Variants in MRPL48 observed in about 807,000 individuals in gnomAD.
The protein encoded by MRPL48 is mitochondrial ribosomal protein L48, also known as large ribosomal subunit protein mL48.
A neutral mutation model predicts 32.9 loss-of-function variants in MRPL48; 16 were observed. That is an observed-to-expected ratio of 0.49 (90% confidence interval 0.33 to 0.74). MRPL48 has a LOEUF of 0.74. MRPL48 is among the 30% of genes least tolerant of loss of function. MRPL48 has a pLI of 0.02. For missense variants in MRPL48, 206 were observed against 245.3 expected (o/e 0.84, Z 1.07); for synonymous variants, 94 against 89.2 (o/e 1.05, Z -0.31).
At chr11:73,807,370 T>G (rs1474145986) in intron 2 of MRPL48, among the ~76,000 whole-genome samples, 1 of 145,172 alleles carries the variant, frequency 6.9e-6, no homozygotes, top group Non-Finnish European at 1.5e-5. Context: ...CTTTCTCCCT[T>G]TATTTCCCTT....
intron 3 of MRPL48, among the ~76,000 whole-genome samples, chr11:73,822,524 G>A (rs1421723409): frequency 6.6e-6 from 1 of 152,124 alleles, no homozygotes; most frequent in Non-Finnish European, 1.5e-5. Flanking sequence ...AATGCATATC[G>A]TGGAAGGGAT....
Position 73,797,228 on chromosome 11 carries a change from C to T in MRPL48, c.22-7799C>T, listed in dbSNP as rs185569725. On this transcript the variant is annotated intron_variant, in intron 1 of 7. Coordinates refer to ENST00000310614, the MANE Select transcript of MRPL48 (RefSeq NM_016055.6). ...GAGCTGCCCACTCCAAGGTCCTCCT[C>T]TGAGCTATTCTGCCACTCAATAAAG... Among the ~76,000 whole-genome samples, 309 of 152,318 alleles carry T rather than the reference C, an allele frequency of 2.0e-3. 7 individuals are homozygous for T. Among genetic ancestry groups the T allele is most frequent in the Non-Finnish European group, 3.1e-4 (21 of 68,030 alleles).
intron 1 of MRPL48, among the ~76,000 whole-genome samples, chr11:73,797,409 A>G (rs935333219): frequency 2.0e-5 from 3 of 152,196 alleles, no homozygotes; most frequent in African/African-American, 7.2e-5. Context: ...GTGGGTGAAG[A>G]GAAGGAAAGA....
chr11:73,821,491 C>G (rs1387606253), intron 3 of MRPL48, among the ~76,000 whole-genome samples: 1 of 152,156 alleles, frequency 6.6e-6, no homozygotes, highest in Non-Finnish European at 1.5e-5. Context: ...TCTTGCCACC[C>G]TGATCCTCTT....
At chr11:73,837,134 T>A (rs995985982) in intron 4 of MRPL48, among the ~76,000 whole-genome samples, 3 of 152,228 alleles carry the variant, frequency 2.0e-5, no homozygotes, top group South Asian at 2.1e-4. Flanking sequence ...AAGCTGAATA[T>A]GCTGCAGGCA....
chr11:73,859,827 C>T (rs1395781214), intron 5 of MRPL48, 80 bp from the exon 6 acceptor site: 6 of 1,183,246 alleles, frequency 5.1e-6, no homozygotes, highest in African/African-American at 1.5e-5. Flanking sequence ...GCCATAGTGG[C>T]TATACTCATG....
At chr11:73,824,387 C>G (rs1353257302) in intron 3 of MRPL48, among the ~76,000 whole-genome samples, 2 of 151,966 alleles carry the variant, frequency 1.3e-5, no homozygotes, top group Middle Eastern at 3.4e-3. Flanking sequence ...CAGTTCGATA[C>G]CAGCCTGACC....
At chr11:73,834,120 A>G (rs1329484992) in intron 4 of MRPL48, among the ~76,000 whole-genome samples, 1 of 152,118 alleles carries the variant, frequency 6.6e-6, no homozygotes, top group Non-Finnish European at 1.5e-5. Context: ...AAGTGTTGGG[A>G]TTACAGGTGT....
intron 1 of MRPL48, among the ~76,000 whole-genome samples, chr11:73,789,039 C>T (rs910538944): frequency 1.3e-5 from 2 of 152,180 alleles, no homozygotes; most frequent in African/African-American, 4.8e-5. Flanking sequence ...ATGGGTCTAC[C>T]TGTGGTTACC....
At chr11:73,817,038 G>C (rs1364685325) in intron 3 of MRPL48, among the ~76,000 whole-genome samples, 1 of 151,592 alleles carries the variant, frequency 6.6e-6, no homozygotes, top group Non-Finnish European at 1.5e-5. Flanking sequence ...CACCATGTTG[G>C]CCAGGCTGGT....
chr11:73,799,208 C>T (rs1377562877), intron 1 of MRPL48, among the ~76,000 whole-genome samples: 2 of 151,780 alleles, frequency 1.3e-5, no homozygotes, highest in South Asian at 2.1e-4. Context: ...AAAAATTAGC[C>T]GAGTGTAGTG....
intron 4 of MRPL48, among the ~76,000 whole-genome samples, chr11:73,835,140 CTTTTTTTTT>C (rs35448499): frequency 5.5e-5 from 6 of 108,476 alleles, no homozygotes; most frequent in Admixed American, 1.0e-4. Flanking sequence ...GCCATGTTGT[CTTTTTTTTT>C]TTTTTTTTTT....
chr11:73,840,452 C>T (rs1334318864), intron 4 of MRPL48, among the ~76,000 whole-genome samples: 2 of 152,072 alleles, frequency 1.3e-5, no homozygotes, highest in Admixed American at 6.6e-5. Context: ...TGTGATTGTG[C>T]CACTGAACTC....
intron 3 of MRPL48, 76 bp downstream of exon 3, chr11:73,808,426 G>T: frequency 7.0e-7 from 1 of 1,434,038 alleles, no homozygotes; most frequent in East Asian, 2.4e-5. Context: ...TTGCCTAGAA[G>T]GAAGCCTACC....
chr11:73,850,678 A>AT (rs34562115), intron 5 of MRPL48: 71,176 of 185,202 alleles, frequency 0.38, 13,273 homozygotes, highest in African/African-American at 0.62. Context: ...GGGCTATACA[A>AT]TTTTTTTTTT....
At chr11:73,863,075 C>A (rs374934443) in intron 6 of MRPL48, 97 bp from the exon 7 acceptor site, 2 of 1,069,558 alleles carry the variant, frequency 1.9e-6, no homozygotes, top group African/African-American at 1.6e-5. Flanking sequence ...GCTCTCCAGA[C>A]TCTACTGGAG....
At chr11:73,852,799 G>A (rs1407489735) in intron 5 of MRPL48, among the ~76,000 whole-genome samples, 6 of 152,138 alleles carry the variant, frequency 3.9e-5, no homozygotes, top group Admixed American at 6.6e-5. Flanking sequence ...CTGCACTCCC[G>A]TATTTATTGC....
At chr11:73,860,796 A>G (rs12420099) in intron 6 of MRPL48, among the ~76,000 whole-genome samples, 13,077 of 152,258 alleles carry the variant, frequency 0.086, 674 homozygotes, top group South Asian at 0.26. Context: ...GAGTTATGCA[A>G]CCATCCCCAC....
chr11:73,796,199 G>A (rs972200284), intron 1 of MRPL48, among the ~76,000 whole-genome samples: 3 of 152,198 alleles, frequency 2.0e-5, no homozygotes, highest in Non-Finnish European at 4.4e-5. Context: ...CAGGAGCTCC[G>A]CTCTTCCGAG....
Sources: gnomAD v4.1 joint callset for allele counts (sites outside exome capture counted in the v4.1 genomes callset) on GRCh38, gnomAD v4.1.1 for gene constraint, MANE v1.5 for transcripts, NCBI Gene and HGNC (gene_info 2026-07-23, HGNC 2026-07-21) for gene names.